The following TSTD2 variants were observed in gnomAD, a reference collection of about 807,000 sequenced individuals.
The protein encoded by TSTD2 is thiosulfate sulfurtransferase like domain containing 2, also known as thiosulfate sulfurtransferase/rhodanese-like domain-containing protein 2.
Under a neutral mutation model 47.9 loss-of-function variants are expected in TSTD2, and 37 were observed. The ratio of observed to expected loss-of-function variants is 0.77; its 90% confidence interval spans 0.59 to 1.02. The LOEUF (loss-of-function observed/expected upper bound fraction) is 1.02. TSTD2 is among the 50% of genes least tolerant of loss of function. TSTD2 has a pLI of 0.00. For synonymous variants in TSTD2, 201 were observed against 215.9 expected (o/e 0.93, Z 0.61); for missense variants, 586 against 616.0 (o/e 0.95, Z 0.52).
At position 97,625,773 on chromosome 9, in the gene TSTD2, T is replaced by C. The variant is rs746805821; in HGVS notation, c.390A>G (p.Glu130=). 2 of 1,614,178 alleles carry C rather than the reference T, an allele frequency of 1.2e-6. No individual in the cohort carries two copies. Among genetic ancestry groups the C allele is most frequent in the East Asian group, 2.2e-5 (1 of 44,886 alleles). Residue 130 remains glutamate, a synonymous_variant, in exon 3 of 10, where the codon GAA becomes GAG. Coordinates refer to ENST00000341170, the MANE Select transcript of TSTD2 (RefSeq NM_139246.5). The part of the protein sequence containing the change: ...STSKSLSSAD[E]KNPLKECLPH... Reference sequence around the variant, plus strand: ...GAAGGCACTCTTTTAAAGGGTTCTTTTCATCTGCAGACGAAAGACTCTTTG... The same window carrying C: ...GAAGGCACTCTTTTAAAGGGTTCTTCTCATCTGCAGACGAAAGACTCTTTG...
intron 4 of TSTD2, among the ~76,000 whole-genome samples, chr9:97,616,175 T>A (rs1252469641): frequency 6.6e-6 from 1 of 152,024 alleles, no homozygotes; most frequent in African/African-American, 2.4e-5. Context: ...AGTTTGCTTG[T>A]AAGAAGGCCC....
intron 6 of TSTD2, among the ~76,000 whole-genome samples, chr9:97,606,754 C>T (rs1231871505): frequency 6.6e-6 from 1 of 152,136 alleles, no homozygotes; most frequent in Non-Finnish European, 1.5e-5. Flanking sequence ...GCTAAGAACC[C>T]ACAGGCAGGT....
chr9:97,619,006 T>A (rs1167743902), intron 3 of TSTD2, among the ~76,000 whole-genome samples: 1 of 152,216 alleles, frequency 6.6e-6, no homozygotes, highest in Non-Finnish European at 1.5e-5. Context: ...TTCTAACTAG[T>A]AAGTAAATTC....
At chr9:97,628,388 G>A (rs751573650) in intron 1 of TSTD2, among the ~76,000 whole-genome samples, 2 of 152,236 alleles carry the variant, frequency 1.3e-5, no homozygotes, top group Middle Eastern at 3.4e-3. Flanking sequence ...TGCCAAGCAT[G>A]TGAACATGGG....
At chr9:97,607,531 G>T (rs141658416) in intron 6 of TSTD2, among the ~76,000 whole-genome samples, 12 of 152,344 alleles carry the variant, frequency 7.9e-5, no homozygotes, top group African/African-American at 2.9e-4. Context: ...TGAGAATGTA[G>T]TAAGGCCAGA....
rs768791663 is a variant in TSTD2, at chr9:97,602,554, G to C, written c.1466C>G (p.Pro489Arg). Residue 489 changes from proline to arginine, a missense_variant, in exon 10 of 10, where the codon CCT (proline) becomes CGT (arginine). Transcript: ENST00000341170. Reference protein sequence around the residue: ...CECTARRPRIPRELLQHVRQP... With the variant: ...CECTARRPRIRRELLQHVRQP... ...TCGCACATGCTGCAAGAGTTCCCTA[G>C]GTATGCGTGGCCGTCGGGCTGTGCA... The C allele has an allele frequency of 1.9e-6, 3 of 1,614,204 alleles. No homozygotes were observed. Among genetic ancestry groups the C allele is most frequent in the East Asian group, 2.2e-5 (1 of 44,878 alleles).
chr9:97,613,119 T>G (rs759135206), intron 4 of TSTD2, among the ~76,000 whole-genome samples: 3 of 152,178 alleles, frequency 2.0e-5, no homozygotes, highest in Non-Finnish European at 4.4e-5. Flanking sequence ...GAAAGTTAAT[T>G]GACTTCTCTG....
rs765853715 is a variant in TSTD2 at position 97,606,282 on chromosome 9, T to G, written c.836-21A>C. 7 of 1,478,002 alleles carry G rather than the reference T, an allele frequency of 4.7e-6. No individual in the cohort carries two copies. In the East Asian group the frequency reaches 1.4e-4, roughly 29 times the overall value. The allele number at this position is 1,478,002 out of a possible 1,614,324, so 91.6% of individuals were successfully genotyped here. On this transcript the variant is annotated intron_variant, in intron 6 of 9. Transcript: ENST00000341170. Reference sequence around the variant, plus strand: ...GATTCCTAAAACCAAACCAAAAAAATTATATTAAAACAAAGACAAAAAAAC... The same window carrying G: ...GATTCCTAAAACCAAACCAAAAAAAGTATATTAAAACAAAGACAAAAAAAC...
chr9:97,617,146 A>G (rs900807793), intron 4 of TSTD2, among the ~76,000 whole-genome samples: 5 of 152,220 alleles, frequency 3.3e-5, no homozygotes, highest in Non-Finnish European at 7.3e-5. Flanking sequence ...TCTGGAGAGG[A>G]CTACTTCAGA....
Position 97,625,807 on chromosome 9 carries a change from A to C in TSTD2, c.356T>G (p.Leu119Trp). 6.2e-7 allele frequency: 1 copy of C among 1,614,178 alleles called. No homozygotes were observed. Among genetic ancestry groups the C allele is most frequent in the East Asian group, 2.2e-5 (1 of 44,884 alleles). ...ASILKQLAVT[L>W]STSKSLSSAD... ...AGACGAAAGACTCTTTGAGGTGCTCAATGTCACAGCCAGTTGCTTTAAAAT... is the reference window on the plus strand; with the variant it reads ...AGACGAAAGACTCTTTGAGGTGCTCCATGTCACAGCCAGTTGCTTTAAAAT... Residue 119 changes from leucine (L) to tryptophan (W), a missense_variant, in exon 3 of 10, where the codon TTG becomes TGG. Leu to Trp is a moderately conservative substitution (Grantham distance 61). Transcript: ENST00000341170.
At chr9:97,631,265 C>G (rs55966848) in intron 1 of TSTD2, among the ~76,000 whole-genome samples, 1 of 151,798 alleles carries the variant, frequency 6.6e-6, no homozygotes, top group African/African-American at 2.4e-5. Flanking sequence ...TACAGCTGCA[C>G]GCCACCACAC....
intron 1 of TSTD2, among the ~76,000 whole-genome samples, chr9:97,629,858 G>T (rs1826781681): frequency 6.6e-6 from 1 of 152,188 alleles, no homozygotes; most frequent in Admixed American, 6.5e-5. Flanking sequence ...AGTACATTTG[G>T]GAGGTAACAT....
In TSTD2 at chr9:97,604,830, G is replaced by A. The variant is rs1411919367; in HGVS notation, c.1149C>T (p.Gly383=). The part of the protein sequence containing the change: ...VCKEVFQLKG[G]IHKYLEEFPD... ...GAAACTCTTCCAGGTACTTGTGGAT[G>A]CCACCCTTGAGCTGGAACACCTCCT... Residue 383 remains glycine, a synonymous_variant, in exon 9 of 10, where the codon GGC becomes GGT. Transcript: ENST00000341170. The A allele has an allele frequency of 6.2e-7, 1 of 1,614,222 alleles. No homozygotes were observed. Among genetic ancestry groups the A allele is most frequent in the Admixed American group, 1.7e-5 (1 of 60,026 alleles).
chr9:97,617,668 T>A, intron 4 of TSTD2, 89 bp downstream of exon 4: 1 of 1,453,988 alleles, frequency 6.9e-7, no homozygotes, highest in Non-Finnish European at 9.1e-7. Context: ...CAACAGTGAA[T>A]CTTTTTTATA....
chr9:97,612,325 A>G (rs1826472895), intron 4 of TSTD2, among the ~76,000 whole-genome samples: 1 of 152,194 alleles, frequency 6.6e-6, no homozygotes, highest in Non-Finnish European at 1.5e-5. Context: ...ATGTGTCTTT[A>G]TAACAGAACA....
rs969279514 is a variant in TSTD2 at position 97,601,401 on chromosome 9, C to A, written c.*1068G>T. 3 of 1,040,114 alleles carry A rather than the reference C, an allele frequency of 2.9e-6. No homozygotes were observed. The highest frequency in any genetic ancestry group is 3.5e-6 in the Non-Finnish European group (3 of 861,198). The allele number at this position is 1,040,114 out of a possible 1,614,324, so 64.4% of individuals were successfully genotyped here. ...CCAGGTGCTGATCTAAAAACTGTGG[C>A]TCAAATGTCACCGAGCTTATATGAA... On this transcript the variant is annotated 3_prime_UTR_variant, in exon 10 of 10. Transcript: ENST00000341170.
chr9:97,620,301 T>C (rs1271352006), intron 3 of TSTD2, among the ~76,000 whole-genome samples: 3 of 152,226 alleles, frequency 2.0e-5, no homozygotes, highest in Non-Finnish European at 4.4e-5. Context: ...TTGCTCCTCC[T>C]TGCCTTCCAA....
At chr9:97,603,045 G>A (rs974939997) in intron 9 of TSTD2, 1 of 322,898 alleles carries the variant, frequency 3.1e-6, no homozygotes, top group African/African-American at 2.2e-5. Flanking sequence ...TAACTAGATG[G>A]TAATGAAAGT....
At chr9:97,602,902 G>A (rs1826291315) in intron 9 of TSTD2, 135 bp from the exon 10 acceptor site, 2 of 872,860 alleles carry the variant, frequency 2.3e-6, no homozygotes, top group African/African-American at 1.7e-5. Flanking sequence ...TAAGTCTTCT[G>A]TCTTCTAGCA....
Sources: gnomAD v4.1 joint callset for allele counts (sites outside exome capture counted in the v4.1 genomes callset) on GRCh38, gnomAD v4.1.1 for gene constraint, MANE v1.5 for transcripts, NCBI Gene and HGNC (gene_info 2026-07-23, HGNC 2026-07-21) for gene names.